The following DIAPH2 variants were observed in gnomAD, a reference collection of about 807,000 sequenced individuals.
DIAPH2 encodes the protein diaphanous related formin 2.
DIAPH2 carries 35 observed loss-of-function variants against 92.7 expected under a neutral mutation model. The observed-to-expected ratio is 0.38, with a 90% CI of 0.29 to 0.50. The LOEUF is 0.50. DIAPH2 is among the 20% of genes least tolerant of loss of function. DIAPH2 has a pLI of 0.94. For missense variants in DIAPH2, 701 were observed against 819.5 expected, an observed-to-expected ratio of 0.86 and a Z score of 1.77; for synonymous variants, 301 against 280.4, an observed-to-expected ratio of 1.07 and a Z score of -0.73.
intron 4 of DIAPH2, among the ~76,000 whole-genome samples, chrX:96,759,612 G>C (rs5949456): frequency 0.22 from 23,894 of 110,847 alleles, 1,942 homozygotes; most frequent in East Asian, 0.32. Context: ...ATTTTTCAAA[G>C]ACCTAAAGGC....
At position 97,585,159 on chromosome X, in the gene DIAPH2, T is replaced by G. The variant is rs551260504; in HGVS notation, c.3242-14094T>G. On this transcript the variant is annotated intron_variant, in intron 26 of 26. Coordinates refer to ENST00000324765, the MANE Select transcript of DIAPH2 (RefSeq NM_006729.5). ...CATAAGGTGATGATGCAGGGTATCC[T>G]TATGTAAACACTTTTTACTGTACCA... Among the ~76,000 whole-genome samples the G allele has an allele frequency of 9.7e-4, 108 of 111,444 alleles. 1 individual carries two copies. The highest frequency in any genetic ancestry group is 1.7e-3 in the Non-Finnish European group (91 of 53,059).
At chrX:97,035,873 G>T (rs1296683941) in intron 17 of DIAPH2, among the ~76,000 whole-genome samples, 1 of 109,512 alleles carries the variant, frequency 9.1e-6, no homozygotes, top group Admixed American at 9.8e-5. Context: ...GCTGAGCATG[G>T]TGGCATGCGC....
At chrX:97,589,131 A>G (rs1476899431) in intron 26 of DIAPH2, among the ~76,000 whole-genome samples, 1 of 98,122 alleles carries the variant, frequency 1.0e-5, no homozygotes, top group Non-Finnish European at 2.0e-5. Flanking sequence ...CAACCTGGCC[A>G]ACATGGTGAA....
chrX:96,878,495 C>G (rs1467305857), intron 4 of DIAPH2, among the ~76,000 whole-genome samples: 1 of 112,002 alleles, frequency 8.9e-6, no homozygotes, highest in Non-Finnish European at 1.9e-5. Context: ...GTTAAAATCT[C>G]AAAGTCCTTC....
intron 25 of DIAPH2, among the ~76,000 whole-genome samples, chrX:97,416,566 A>AG (rs947282159): frequency 1.8e-5 from 2 of 112,126 alleles, no homozygotes; most frequent in African/African-American, 6.5e-5. Context: ...ACTAAGAGTT[A>AG]GGTGTACATG....
intron 25 of DIAPH2, among the ~76,000 whole-genome samples, chrX:97,395,330 C>T (rs966895013): frequency 1.8e-5 from 2 of 111,489 alleles, no homozygotes; most frequent in African/African-American, 3.3e-5. Context: ...CAACCACCTC[C>T]GCCCACAAAA....
intron 26 of DIAPH2, among the ~76,000 whole-genome samples, chrX:97,441,178 G>A (rs745984994): frequency 9.0e-6 from 1 of 111,259 alleles, no homozygotes; most frequent in Admixed American, 9.5e-5. Context: ...CACTTTGGGA[G>A]GCTGAGGCCG....
chrX:97,223,301 T>C (rs1277485068), intron 22 of DIAPH2, among the ~76,000 whole-genome samples: 1 of 111,752 alleles, frequency 8.9e-6, no homozygotes, highest in African/African-American at 3.2e-5. Flanking sequence ...AAGTATCCTA[T>C]CACTATTTGC....
intron 5 of DIAPH2, among the ~76,000 whole-genome samples, chrX:96,889,004 A>C (rs947080207): frequency 9.0e-6 from 1 of 111,483 alleles, no homozygotes; most frequent in African/African-American, 3.3e-5. Context: ...CATACTGAAT[A>C]TTTTGACTTT....
chrX:96,776,508 G>C (rs1251226355), intron 4 of DIAPH2, among the ~76,000 whole-genome samples: 1 of 110,013 alleles, frequency 9.1e-6, no homozygotes, highest in Admixed American at 9.8e-5. Context: ...ACCATGCCTG[G>C]CTGCTTTTCT....
At chrX:97,586,690 C>G (rs1279048380) in intron 26 of DIAPH2, among the ~76,000 whole-genome samples, 1 of 111,937 alleles carries the variant, frequency 8.9e-6, no homozygotes, top group Non-Finnish European at 1.9e-5. Context: ...CATCCATATC[C>G]TTTAAGAATC....
chrX:97,570,223 A>T (rs56385730), intron 26 of DIAPH2, among the ~76,000 whole-genome samples: 227 of 97,523 alleles, frequency 2.3e-3, no homozygotes, highest in Non-Finnish European at 3.9e-3. Context: ...ACACACACAC[A>T]CATATATATA....
At chrX:97,577,786 C>T (rs2071408058) in intron 26 of DIAPH2, among the ~76,000 whole-genome samples, 1 of 111,816 alleles carries the variant, frequency 8.9e-6, no homozygotes, top group East Asian at 2.8e-4. Context: ...AAAATATGTA[C>T]TCCATGAATC....
intron 22 of DIAPH2, among the ~76,000 whole-genome samples, chrX:97,214,679 A>G (rs2067868211): frequency 9.3e-6 from 1 of 107,810 alleles, no homozygotes; most frequent in Non-Finnish European, 1.9e-5. Flanking sequence ...TAAAAATACA[A>G]AATTAGGCGG....
intron 21 of DIAPH2, among the ~76,000 whole-genome samples, chrX:97,124,351 T>C (rs1341148746): frequency 8.9e-6 from 1 of 112,440 alleles, no homozygotes; most frequent in African/African-American, 3.2e-5. Flanking sequence ...TATTTAAAGA[T>C]CTTTTTCTCT....
intron 22 of DIAPH2, among the ~76,000 whole-genome samples, chrX:97,183,241 G>A (rs770858143): frequency 2.7e-5 from 3 of 111,543 alleles, no homozygotes; most frequent in African/African-American, 3.3e-5. Flanking sequence ...TCATCTTCCC[G>A]GGATGATTTT....
chrX:97,135,183 A>G (rs1401626822), intron 21 of DIAPH2, among the ~76,000 whole-genome samples: 1 of 99,006 alleles, frequency 1.0e-5, no homozygotes, highest in African/African-American at 3.3e-5. Context: ...GACAGAATTT[A>G]GTAGTTTTGC....
intron 22 of DIAPH2, among the ~76,000 whole-genome samples, chrX:97,170,713 A>G (rs1008441951): frequency 2.7e-5 from 3 of 111,725 alleles, no homozygotes; most frequent in Non-Finnish European, 5.6e-5. Flanking sequence ...AAACTTAAGA[A>G]AATATTTTAT....
intron 24 of DIAPH2, among the ~76,000 whole-genome samples, chrX:97,363,142 T>C (rs924262649): frequency 4.5e-5 from 5 of 112,225 alleles, no homozygotes; most frequent in Admixed American, 9.5e-5. Context: ...TTCTGGAATA[T>C]GGAGGATATA....
Sources: allele counts gnomAD v4.1 joint callset (sites outside exome capture counted in the v4.1 genomes callset), GRCh38; gene constraint gnomAD v4.1.1; transcripts MANE v1.5; gene names NCBI Gene and HGNC (gene_info 2026-07-23, HGNC 2026-07-21).